The following TM9SF2 variants were observed in gnomAD, a reference collection of about 807,000 sequenced individuals.
TM9SF2 encodes the protein 76 kDa membrane protein.
Under a neutral mutation model 84.9 loss-of-function variants are expected in TM9SF2, and 13 were observed. That is an observed-to-expected ratio of 0.15 (90% confidence interval 0.10 to 0.24). The LOEUF is 0.24. Among genes scored for constraint, TM9SF2 ranks in the 10% least tolerant of loss-of-function variants. The probability of loss-of-function intolerance (pLI) is 1.00; values close to 1 mark genes in which losing one functional copy is unlikely to be tolerated. For synonymous variants in TM9SF2, 273 were observed against 285.8 expected, an observed-to-expected ratio of 0.96 and a Z score of 0.45; for missense variants, 562 against 818.5, an observed-to-expected ratio of 0.69 and a Z score of 3.82.
At chr13:99,531,501 A>G (rs1371395953) in intron 4 of TM9SF2, among the ~76,000 whole-genome samples, 2 of 151,238 alleles carry the variant, frequency 1.3e-5, no homozygotes, top group Non-Finnish European at 3.0e-5. Context: ...ACCCCACCCA[A>G]CCCCCATATG....
chr13:99,549,495 A>G (rs534601630), intron 12 of TM9SF2, among the ~76,000 whole-genome samples: 1 of 152,308 alleles, frequency 6.6e-6, no homozygotes, highest in South Asian at 2.1e-4. Context: ...GGTCAGTCTG[A>G]CATGTTGTTC....
At chr13:99,527,509 GC>G (rs1040514292) in intron 3 of TM9SF2, among the ~76,000 whole-genome samples, 29 of 152,026 alleles carry the variant, frequency 1.9e-4, no homozygotes, top group African/African-American at 7.0e-4. Flanking sequence ...GTGGGGTACC[GC>G]CCCCCATGAT....
chr13:99,501,881 A>G (rs2139063652), intron 1 of TM9SF2, 104 bp downstream of exon 1: 1 of 1,469,896 alleles, frequency 6.8e-7, no homozygotes, highest in African/African-American at 1.5e-5. Context: ...GGGGCGTAGC[A>G]GCGGGTGGGG....
intron 3 of TM9SF2, among the ~76,000 whole-genome samples, chr13:99,520,957 C>G (rs993896321): frequency 6.6e-6 from 1 of 152,172 alleles, no homozygotes; most frequent in Non-Finnish European, 1.5e-5. Flanking sequence ...ATAAGGTATT[C>G]TTTTCAACAT....
At chr13:99,557,563 T>G (rs961449728) in intron 15 of TM9SF2, among the ~76,000 whole-genome samples, 1 of 152,144 alleles carries the variant, frequency 6.6e-6, no homozygotes, top group African/African-American at 2.4e-5. Context: ...TTGCTTATGC[T>G]TTTGGTGTCA....
At chr13:99,561,663 G>A (rs1179219999) in intron 16 of TM9SF2, among the ~76,000 whole-genome samples, 1 of 152,204 alleles carries the variant, frequency 6.6e-6, no homozygotes, top group Non-Finnish European at 1.5e-5. Context: ...AATGTCCCAT[G>A]TATAGTCTCT....
intron 10 of TM9SF2, 140 bp from the exon 11 acceptor site, chr13:99,546,845 A>C (rs532792340): frequency 2.4e-5 from 28 of 1,156,192 alleles, no homozygotes; most frequent in Admixed American, 1.8e-4. Flanking sequence ...GATTGTGTAG[A>C]GCTGCATGGT....
At chr13:99,533,991 GC>G (rs1172572364) in intron 4 of TM9SF2, among the ~76,000 whole-genome samples, 1 of 152,076 alleles carries the variant, frequency 6.6e-6, no homozygotes, top group Non-Finnish European at 1.5e-5. Context: ...CTTATTTGGG[GC>G]TTTAGCACAT....
chr13:99,525,054 T>G (rs974747231), intron 3 of TM9SF2, among the ~76,000 whole-genome samples: 28 of 152,088 alleles, frequency 1.8e-4, no homozygotes, highest in Non-Finnish European at 1.5e-5. Context: ...GGATTGACCT[T>G]GGGTTTAGCC....
chr13:99,507,340 C>G (rs553901795), intron 1 of TM9SF2, among the ~76,000 whole-genome samples: 4 of 152,142 alleles, frequency 2.6e-5, no homozygotes, highest in Non-Finnish European at 5.9e-5. Flanking sequence ...CCAGAAAACA[C>G]TCTGTATCTA....
At chr13:99,525,927 G>A (rs2046181381) in intron 3 of TM9SF2, among the ~76,000 whole-genome samples, 1 of 152,196 alleles carries the variant, frequency 6.6e-6, no homozygotes, top group African/African-American at 2.4e-5. Context: ...CGGGAAAAGT[G>A]ATGATTTAGG....
At chr13:99,525,112 A>G (rs2046176647) in intron 3 of TM9SF2, among the ~76,000 whole-genome samples, 1 of 152,192 alleles carries the variant, frequency 6.6e-6, no homozygotes, top group South Asian at 2.1e-4. Context: ...TAGAATAGCC[A>G]GGTGGAGAGA....
At chr13:99,561,444 G>A (rs977774617) in intron 16 of TM9SF2, among the ~76,000 whole-genome samples, 3 of 152,186 alleles carry the variant, frequency 2.0e-5, no homozygotes, top group African/African-American at 7.2e-5. Context: ...ATTTATGCAA[G>A]TAAGTACAAA....
At chr13:99,557,760 G>A in intron 15 of TM9SF2, among the ~76,000 whole-genome samples, 1 of 151,866 alleles carries the variant, frequency 6.6e-6, no homozygotes, top group East Asian at 1.9e-4. Flanking sequence ...TGGCTTACTT[G>A]GGAAGCTGAG....
At chr13:99,536,511 A>G (rs2046235220) in intron 4 of TM9SF2, 97 bp from the exon 5 acceptor site, 2 of 1,435,528 alleles carry the variant, frequency 1.4e-6, no homozygotes, top group South Asian at 2.7e-5. Flanking sequence ...GCATTTACAC[A>G]TTTAAATTTT....
intron 10 of TM9SF2, among the ~76,000 whole-genome samples, chr13:99,545,816 C>G (rs911205086): frequency 1.1e-4 from 17 of 152,238 alleles, no homozygotes; most frequent in African/African-American, 3.1e-4. Flanking sequence ...CCGCCCGCCT[C>G]GGCCTCCCAA....
chr13:99,534,458 T>G (rs970934214), intron 4 of TM9SF2, among the ~76,000 whole-genome samples: 4 of 152,220 alleles, frequency 2.6e-5, no homozygotes, highest in Admixed American at 6.5e-5. Flanking sequence ...CTGTTTTCAC[T>G]CTATTAAATC....
chr13:99,510,500 C>T (rs1280564684), intron 1 of TM9SF2, among the ~76,000 whole-genome samples: 1 of 152,194 alleles, frequency 6.6e-6, no homozygotes, highest in African/African-American at 2.4e-5. Context: ...CGACATCACT[C>T]TGCTTCTGGG....
intron 1 of TM9SF2, among the ~76,000 whole-genome samples, chr13:99,515,734 G>GTTT (rs5806117): frequency 1.1e-4 from 15 of 138,586 alleles, no homozygotes; most frequent in African/African-American, 3.0e-4. Flanking sequence ...AGAAATACTG[G>GTTT]TTTTTTTTTT....
Sources: allele counts gnomAD v4.1 joint callset (sites outside exome capture counted in the v4.1 genomes callset), GRCh38; gene constraint gnomAD v4.1.1; transcripts MANE v1.5; gene names NCBI Gene and HGNC (gene_info 2026-07-23, HGNC 2026-07-21).